Variants in KCNN2 observed in about 807,000 individuals in gnomAD.
KCNN2 encodes the protein potassium calcium-activated channel subfamily N member 2.
A neutral mutation model predicts 55.5 loss-of-function variants in KCNN2; 24 were observed. That is an observed-to-expected ratio of 0.43 (90% CI 0.31 to 0.61). The LOEUF is 0.61. KCNN2 is among the 20% of genes least tolerant of loss of function. KCNN2 has a pLI of 0.08. For synonymous variants in KCNN2, 431 were observed against 336.1 expected, an observed-to-expected ratio of 1.28 and a Z score of -3.09; for missense variants, 754 against 853.6, an observed-to-expected ratio of 0.88 and a Z score of 1.45.
chr5:114,162,410 C>T (rs1405480142), intron 1 of KCNN2, among the ~76,000 whole-genome samples: 2 of 152,188 alleles, frequency 1.3e-5, no homozygotes, highest in Non-Finnish European at 2.9e-5. Context: ...CAGTCCGCCC[C>T]TACTGGGGGG....
At chr5:114,446,702 C>G (rs1310912752) in intron 3 of KCNN2, among the ~76,000 whole-genome samples, 2 of 152,088 alleles carry the variant, frequency 1.3e-5, no homozygotes, top group African/African-American at 2.4e-5. Flanking sequence ...CTCAAGTGAT[C>G]CAGCTGCCTC....
intron 1 of KCNN2, among the ~76,000 whole-genome samples, chr5:114,123,366 T>TCA (rs1276398971): frequency 1.7e-5 from 1 of 57,234 alleles, no homozygotes; most frequent in African/African-American, 1.1e-4. Context: ...TTTTTTTTTT[T>TCA]TTTTTTTTTT....
At chr5:114,214,551 G>A (rs902330296) in intron 1 of KCNN2, among the ~76,000 whole-genome samples, 1 of 152,076 alleles carries the variant, frequency 6.6e-6, no homozygotes, top group East Asian at 1.9e-4. Flanking sequence ...AGAGGAAAAA[G>A]TTGACAAAGG....
At chr5:114,225,237 A>T (rs1441535710) in intron 2 of KCNN2, among the ~76,000 whole-genome samples, 2 of 152,210 alleles carry the variant, frequency 1.3e-5, no homozygotes, top group Non-Finnish European at 2.9e-5. Flanking sequence ...TAATTTAAAG[A>T]TCTAATTAAT....
intron 2 of KCNN2, among the ~76,000 whole-genome samples, chr5:114,233,303 T>C (rs1754401799): frequency 6.6e-6 from 1 of 152,166 alleles, no homozygotes; most frequent in Non-Finnish European, 1.5e-5. Context: ...ACACTCCTTT[T>C]ATTAAGGTGA....
intron 2 of KCNN2, among the ~76,000 whole-genome samples, chr5:114,326,970 C>T (rs994639377): frequency 1.3e-5 from 2 of 152,162 alleles, no homozygotes; most frequent in Admixed American, 6.5e-5. Flanking sequence ...CACCTGGCTC[C>T]TCCTATCAAA....
At chr5:114,075,750 T>C (rs933533459) in intron 1 of KCNN2, among the ~76,000 whole-genome samples, 2 of 152,150 alleles carry the variant, frequency 1.3e-5, no homozygotes, top group African/African-American at 4.8e-5. Context: ...CAAATATGTC[T>C]CAAACAGTCT....
chr5:114,072,951 A>T (rs1289393612), intron 1 of KCNN2, among the ~76,000 whole-genome samples: 1 of 152,158 alleles, frequency 6.6e-6, no homozygotes, highest in African/African-American at 2.4e-5. Context: ...TTTATCTCTT[A>T]CCTGCCATTT....
In KCNN2 at chr5:114,312,746, A is replaced by C. The variant is rs377408775; in HGVS notation, c.-184-48199A>C. Among the ~76,000 whole-genome samples the C allele has an allele frequency of 3.9e-5, 6 of 152,138 alleles. 1 individual carries two copies. Among genetic ancestry groups the C allele is most frequent in the Middle Eastern group, 3.4e-3 (1 of 294 alleles). On this transcript the variant is annotated intron_variant, in intron 2 of 10. Coordinates refer to the KCNN2 transcript ENST00000512097. The stretch of plus-strand genomic sequence containing the variant: ...ATAACTGGAGAGGATTGCACTTGAC[A>C]TAATTTCCTAGCAACCTCCCAGTTT...
At chr5:114,136,569 G>A (rs2112499257) in intron 1 of KCNN2, among the ~76,000 whole-genome samples, 1 of 152,278 alleles carries the variant, frequency 6.6e-6, no homozygotes, top group Middle Eastern at 3.4e-3. Flanking sequence ...GTGGAGGGAG[G>A]ATCTATAAGA....
At chr5:114,302,180 A>G (rs77046825) in intron 2 of KCNN2, among the ~76,000 whole-genome samples, 275 of 152,316 alleles carry the variant, frequency 1.8e-3, no homozygotes, top group African/African-American at 6.4e-3. Context: ...TTCTTTTTGT[A>G]CTGTTGAACT....
intron 5 of KCNN2, among the ~76,000 whole-genome samples, chr5:114,479,316 A>G (rs1307069353): frequency 6.6e-6 from 1 of 152,188 alleles, no homozygotes; most frequent in Non-Finnish European, 1.5e-5. Context: ...AAAAAGATGA[A>G]GAGCATTACA....
chr5:114,151,760 G>C (rs1000410497), intron 1 of KCNN2, among the ~76,000 whole-genome samples: 1 of 151,982 alleles, frequency 6.6e-6, no homozygotes, highest in Non-Finnish European at 1.5e-5. Context: ...TTTCCAAGGA[G>C]TTATCCTGAT....
intron 3 of KCNN2, among the ~76,000 whole-genome samples, chr5:114,444,396 G>GA (rs5870610): frequency 0.19 from 28,201 of 151,416 alleles, 3,020 homozygotes; most frequent in Middle Eastern, 0.26. Flanking sequence ...TAAGATACAA[G>GA]AAAAAAAAGA....
chr5:114,307,382 C>T (rs959559695), intron 2 of KCNN2, among the ~76,000 whole-genome samples: 10 of 152,144 alleles, frequency 6.6e-5, no homozygotes, highest in African/African-American at 2.2e-4. Flanking sequence ...ATGTATTGCT[C>T]CTAGTAATGC....
intron 4 of KCNN2, 72 bp downstream of exon 4, chr5:114,463,262 C>A: frequency 1.7e-6 from 2 of 1,200,280 alleles, no homozygotes; most frequent in Non-Finnish European, 2.3e-6. Context: ...AGTCCACGTG[C>A]ATAAGTAATT....
intron 2 of KCNN2, among the ~76,000 whole-genome samples, chr5:114,227,153 A>G (rs554725499): frequency 1.9e-4 from 29 of 152,184 alleles, no homozygotes; most frequent in Non-Finnish European, 3.8e-4. Context: ...GTTCACCTCT[A>G]AAATGTACAC....
intron 3 of KCNN2, chr5:114,433,509 G>A (rs185994550): frequency 5.9e-5 from 9 of 152,446 alleles, no homozygotes; most frequent in African/African-American, 2.2e-4. Context: ...GGAGCCAGCA[G>A]TGGCAACCCG....
chr5:114,246,639 A>G (rs1754753343), intron 2 of KCNN2, among the ~76,000 whole-genome samples: 1 of 152,178 alleles, frequency 6.6e-6, no homozygotes, highest in African/African-American at 2.4e-5. Flanking sequence ...CCAACTAAAC[A>G]GGTATTTGTG....
Sources: gnomAD v4.1 joint callset for allele counts (sites outside exome capture counted in the v4.1 genomes callset) on GRCh38, gnomAD v4.1.1 for gene constraint, MANE v1.5 for transcripts, NCBI Gene and HGNC (gene_info 2026-07-23, HGNC 2026-07-21) for gene names.